Variants in TAFA1 observed in about 807,000 individuals in gnomAD.
The protein encoded by TAFA1 is TAFA chemokine like family member 1.
Under a neutral mutation model 18.5 loss-of-function variants are expected in TAFA1, and 4 were observed. That is an observed-to-expected ratio of 0.22 (90% confidence interval 0.11 to 0.49). The LOEUF (loss-of-function observed/expected upper bound fraction) is 0.49, where lower values mean the gene tolerates loss of function less well. TAFA1 is among the 20% of genes least tolerant of loss of function. The pLI is 0.98. For synonymous variants in TAFA1, 56 were observed against 55.2 expected (o/e 1.01, Z -0.06); for missense variants, 147 against 169.0 (o/e 0.87, Z 0.72).
intron 3 of TAFA1, among the ~76,000 whole-genome samples, chr3:68,512,977 G>C (rs1298533944): frequency 6.6e-6 from 1 of 152,078 alleles, no homozygotes; most frequent in East Asian, 1.9e-4. Flanking sequence ...AAAGTGGGTG[G>C]TTCTACATGT....
chr3:68,103,309 C>T (rs1301023310), intron 2 of TAFA1, among the ~76,000 whole-genome samples: 1 of 152,138 alleles, frequency 6.6e-6, no homozygotes, highest in Non-Finnish European at 1.5e-5. Flanking sequence ...AGGGCTGACC[C>T]AACATATTTG....
chr3:68,207,275 A>G (rs1184080103), intron 2 of TAFA1, among the ~76,000 whole-genome samples: 1 of 151,910 alleles, frequency 6.6e-6, no homozygotes, highest in African/African-American at 2.4e-5. Flanking sequence ...CAGAGCCTCA[A>G]GATCCTACAC....
intron 3 of TAFA1, among the ~76,000 whole-genome samples, chr3:68,487,823 A>AAAAAG (rs2072375065): frequency 6.7e-6 from 1 of 150,358 alleles, no homozygotes; most frequent in South Asian, 2.1e-4. Context: ...AAAAAAAAAA[A>AAAAAG]GGTGAAGTGA....
At chr3:68,472,010 G>C (rs914927434) in intron 3 of TAFA1, among the ~76,000 whole-genome samples, 8 of 152,154 alleles carry the variant, frequency 5.3e-5, no homozygotes, top group African/African-American at 1.9e-4. Flanking sequence ...ATGCTGAAAT[G>C]AGCTAAGACT....
intron 2 of TAFA1, among the ~76,000 whole-genome samples, chr3:68,199,188 T>C (rs1004138728): frequency 6.6e-6 from 1 of 151,600 alleles, no homozygotes; most frequent in Non-Finnish European, 1.5e-5. Context: ...TATCTATTTC[T>C]GGGTTCTCTG....
intron 3 of TAFA1, among the ~76,000 whole-genome samples, chr3:68,513,947 G>A (rs538698253): frequency 3.4e-4 from 51 of 152,188 alleles, no homozygotes; most frequent in Non-Finnish European, 5.1e-4. Flanking sequence ...TATAAACAAC[G>A]TCTATTTCTC....
intron 2 of TAFA1, among the ~76,000 whole-genome samples, chr3:68,057,311 A>G (rs970101826): frequency 6.6e-6 from 1 of 152,160 alleles, no homozygotes; most frequent in East Asian, 1.9e-4. Context: ...TCCTGTATTC[A>G]CCCAAGGCCA....
At chr3:68,477,864 G>A (rs1380884355) in intron 3 of TAFA1, among the ~76,000 whole-genome samples, 1 of 152,186 alleles carries the variant, frequency 6.6e-6, no homozygotes, top group Non-Finnish European at 1.5e-5. Context: ...ATTGGATATA[G>A]AGAGGTAACT....
intron 2 of TAFA1, among the ~76,000 whole-genome samples, chr3:68,010,163 G>A (rs1194119131): frequency 7.9e-5 from 12 of 152,200 alleles, no homozygotes; most frequent in Admixed American, 7.9e-4. Context: ...TTGAATGGAA[G>A]GAGAGTGAAA....
rs529567027 is a variant in TAFA1 at position 68,451,757 on chromosome 3, C to G, written c.259+34337C>G. 4.3e-4 allele frequency among the ~76,000 whole-genome samples: 66 copies of G among 152,246 alleles called. 1 individual carries two copies. Among genetic ancestry groups the G allele is most frequent in the African/African-American group, 1.5e-3 (62 of 41,548 alleles). Reference sequence around the variant, plus strand: ...TCTCTCCACATCATAGGGATCAGAGCCATCTGTTAAGAATGAAAGAGTTGT... The same window carrying G: ...TCTCTCCACATCATAGGGATCAGAGGCATCTGTTAAGAATGAAAGAGTTGT... On this transcript the variant is annotated intron_variant, in intron 3 of 4. Coordinates refer to ENST00000478136, the MANE Select transcript of TAFA1 (RefSeq NM_213609.4).
At chr3:68,000,087 T>G (rs1379302024), upstream of TAFA1, among the ~76,000 whole-genome samples, 2 of 152,134 alleles carry the variant, frequency 1.3e-5, no homozygotes, top group Non-Finnish European at 2.9e-5. Context: ...CCGTGCCTGG[T>G]CAAAGCTACT....
chr3:68,474,988 G>T (rs2072063828), intron 3 of TAFA1, among the ~76,000 whole-genome samples: 1 of 151,976 alleles, frequency 6.6e-6, no homozygotes, highest in Non-Finnish European at 1.5e-5. Flanking sequence ...GTGCTGAACT[G>T]ATTAGCTAAG....
At chr3:68,102,602 T>C (rs1016498738) in intron 2 of TAFA1, among the ~76,000 whole-genome samples, 3 of 152,190 alleles carry the variant, frequency 2.0e-5, no homozygotes, top group Non-Finnish European at 4.4e-5. Flanking sequence ...ATTGTCAAAC[T>C]TGCTGTTATA....
chr3:68,341,325 A>T (rs997530106), intron 2 of TAFA1, among the ~76,000 whole-genome samples: 8 of 152,130 alleles, frequency 5.3e-5, no homozygotes, highest in Admixed American at 2.0e-4. Flanking sequence ...TCTTCTTTTC[A>T]TAGGTGGGAT....
chr3:68,108,904 G>A (rs1488351380), intron 2 of TAFA1, among the ~76,000 whole-genome samples: 1 of 151,794 alleles, frequency 6.6e-6, no homozygotes, highest in Non-Finnish European at 1.5e-5. Context: ...ACATATATAT[G>A]TATATACAGA....
intron 2 of TAFA1, among the ~76,000 whole-genome samples, chr3:68,120,174 T>TTTCTTTCTTTCC (rs2065374505): frequency 1.3e-4 from 2 of 15,498 alleles, no homozygotes; most frequent in Non-Finnish European, 3.4e-4. Context: ...TTTCTTTCTC[T>TTTCTTTCTTTCC]TTCTTTCTTT....
intron 2 of TAFA1, among the ~76,000 whole-genome samples, chr3:68,287,722 G>A (rs2068034073): frequency 6.6e-6 from 1 of 152,040 alleles, no homozygotes; most frequent in South Asian, 2.1e-4. Flanking sequence ...ATGTTTCCTG[G>A]CTTGCATTGC....
chr3:68,200,221 T>C (rs1480375338), intron 2 of TAFA1, among the ~76,000 whole-genome samples: 2 of 151,638 alleles, frequency 1.3e-5, no homozygotes, highest in African/African-American at 4.8e-5. Flanking sequence ...TTTTATACAC[T>C]GAATTTGATT....
rs1416123858 is a variant in TAFA1 at position 68,195,784 on chromosome 3, A to G, written c.118+189040A>G. On this transcript the variant is annotated intron_variant, in intron 2 of 4. Coordinates refer to ENST00000478136, the MANE Select transcript of TAFA1 (RefSeq NM_213609.4). ...TTCATTAGGGTTCTTATAATATAAT[A>G]TTTTCTTTTTTCTTTTTTCTTCTGT... Among the ~76,000 whole-genome samples the G allele has an allele frequency of 4.0e-5, 6 of 151,332 alleles. No individual in the cohort carries two copies. In the East Asian group the frequency reaches 9.8e-4, roughly 25 times the overall value.
Sources: gnomAD v4.1 joint callset for allele counts (sites outside exome capture counted in the v4.1 genomes callset) on GRCh38, gnomAD v4.1.1 for gene constraint, MANE v1.5 for transcripts, NCBI Gene and HGNC (gene_info 2026-07-23, HGNC 2026-07-21) for gene names.